INVS: variants seen among roughly 807,000 people sequenced by gnomAD.
INVS encodes inversion of embryo turning homolog.
INVS carries 86 observed loss-of-function variants against 108.8 expected under a neutral mutation model. That is an observed-to-expected ratio of 0.79 (90% confidence interval 0.66 to 0.95). The LOEUF is 0.95. Ranked by LOEUF, INVS falls within the 40% of genes least tolerant of loss-of-function variation. INVS has a pLI of 0.00. For missense variants in INVS, 1,169 were observed against 1,297.4 expected, an observed-to-expected ratio of 0.90 and a Z score of 1.52; for synonymous variants, 455 against 473.5, an observed-to-expected ratio of 0.96 and a Z score of 0.51.
At chr9:100,284,295 T>C in intron 12 of INVS, 25 bp from the exon 13 acceptor site, 1 of 1,613,056 alleles carries the variant, frequency 6.2e-7, no homozygotes, top group Non-Finnish European at 8.5e-7. Flanking sequence ...AATTTTTTCA[T>C]CTTCTTCTTT....
intron 2 of INVS, among the ~76,000 whole-genome samples, chr9:100,118,105 T>C (rs1372741301): frequency 6.6e-6 from 1 of 151,826 alleles, no homozygotes; most frequent in Non-Finnish European, 1.5e-5. Context: ...TCTTGCTATG[T>C]TGGCCATGCT....
intron 3 of INVS, among the ~76,000 whole-genome samples, chr9:100,188,161 T>A (rs1398000170): frequency 1.3e-5 from 2 of 152,188 alleles, no homozygotes; most frequent in Non-Finnish European, 2.9e-5. Flanking sequence ...AATTTGGATG[T>A]CCTTTCTTTC....
chr9:100,256,205 A>G (rs1832414399), intron 10 of INVS, among the ~76,000 whole-genome samples: 1 of 151,992 alleles, frequency 6.6e-6, no homozygotes, highest in Admixed American at 6.5e-5. Flanking sequence ...TTTGCATAGA[A>G]GTGTTTATAG....
chr9:100,117,509 C>T (rs962565439), intron 2 of INVS: 3 of 844,142 alleles, frequency 3.6e-6, no homozygotes, highest in South Asian at 2.7e-5. Context: ...GCCCGGGCCC[C>T]GTCCACGGCC....
intron 16 of INVS, chr9:100,298,436 C>A: frequency 1.6e-6 from 1 of 606,694 alleles, no homozygotes; most frequent in Non-Finnish European, 2.1e-6. Flanking sequence ...CTCAGCTGTG[C>A]GTGCTTTCCC....
At chr9:100,237,052 C>T (rs1054503491) in intron 5 of INVS, among the ~76,000 whole-genome samples, 2 of 152,192 alleles carry the variant, frequency 1.3e-5, no homozygotes, top group Non-Finnish European at 2.9e-5. Flanking sequence ...CAGAGATGCC[C>T]TGCCCAGAGA....
At chr9:100,197,205 A>G (rs952819409) in intron 3 of INVS, among the ~76,000 whole-genome samples, 3 of 152,202 alleles carry the variant, frequency 2.0e-5, no homozygotes, top group Admixed American at 6.5e-5. Flanking sequence ...AGAGTGGCTC[A>G]CATAACTCAG....
intron 3 of INVS, among the ~76,000 whole-genome samples, chr9:100,154,793 T>A (rs1180929242): frequency 4.6e-5 from 7 of 152,088 alleles, no homozygotes; most frequent in Non-Finnish European, 8.8e-5. Flanking sequence ...GAATGAAGAC[T>A]CTTACCTAAA....
chr9:100,137,957 T>A (rs1253435152), intron 3 of INVS, among the ~76,000 whole-genome samples: 1 of 152,256 alleles, frequency 6.6e-6, no homozygotes, highest in Non-Finnish European at 1.5e-5. Flanking sequence ...ATTTTTTTGC[T>A]GTTTTTTAAC....
In INVS at chr9:100,226,248, C is replaced by G. The variant is rs755654469; in HGVS notation, c.447+13C>G. ...GGATAAAAACAAGGTAATGGATACTCAAAATCAAAGACTAATAAGACCAGA... is the reference window on the plus strand; with the variant it reads ...GGATAAAAACAAGGTAATGGATACTGAAAATCAAAGACTAATAAGACCAGA... On this transcript the variant is annotated intron_variant, in intron 4 of 16. Transcript: ENST00000262457. The G allele has an allele frequency of 1.2e-6, 2 of 1,610,506 alleles. No individual in the cohort carries two copies. Among genetic ancestry groups the G allele is most frequent in the Non-Finnish European group, 8.5e-7 (1 of 1,177,670 alleles).
intron 6 of INVS, 99 bp from the exon 7 acceptor site, chr9:100,242,471 A>G: frequency 1.3e-6 from 1 of 746,728 alleles, no homozygotes; most frequent in Non-Finnish European, 2.4e-6. Flanking sequence ...TGAATGCTGT[A>G]TTATGTTAGT....
At chr9:100,176,800 T>C (rs912535855) in intron 3 of INVS, among the ~76,000 whole-genome samples, 6 of 152,106 alleles carry the variant, frequency 3.9e-5, no homozygotes, top group African/African-American at 1.4e-4. Context: ...AACCCAATTA[T>C]TAAGGTGAAG....
intron 3 of INVS, among the ~76,000 whole-genome samples, chr9:100,217,354 T>C (rs1831022871): frequency 6.6e-6 from 1 of 152,148 alleles, no homozygotes; most frequent in Non-Finnish European, 1.5e-5. Context: ...TCTCTGTCAG[T>C]ATCCTATCAT....
chr9:100,134,397 A>G (rs1828157992), intron 3 of INVS, among the ~76,000 whole-genome samples: 1 of 152,212 alleles, frequency 6.6e-6, no homozygotes, highest in Admixed American at 6.5e-5. Context: ...TTGTGCTGCT[A>G]TAAACATGTG....
chr9:100,144,454 C>T (rs1332729403), intron 3 of INVS, among the ~76,000 whole-genome samples: 11 of 151,936 alleles, frequency 7.2e-5, no homozygotes, highest in Non-Finnish European at 2.9e-5. Context: ...GGCTGTAAAG[C>T]GTCTCAGGGT....
chr9:100,264,920 TGAA>T lies in INVS; in HGVS notation c.1566_1568del (p.Glu523del). 6.2e-7 allele frequency: 1 copy of T among 1,603,630 alleles called. No individual in the cohort carries two copies. Among genetic ancestry groups the T allele is most frequent in the Non-Finnish European group, 8.5e-7 (1 of 1,170,868 alleles). The stretch of plus-strand genomic sequence containing the variant: ...CTTTCCCTAATCAGATGGAAAACAA[TGAA>T]GAGAGGTAAGTTGTTGTTGACTTTT... On this transcript the variant is annotated inframe_deletion, in exon 11 of 17. Transcript: ENST00000262457.
intron 3 of INVS, among the ~76,000 whole-genome samples, chr9:100,129,365 G>A (rs986142973): frequency 4.0e-5 from 6 of 151,814 alleles, no homozygotes; most frequent in Non-Finnish European, 8.8e-5. Context: ...GGGCATGGTC[G>A]TGAGCACGTG....
In INVS at chr9:100,272,923, T is replaced by C; in HGVS notation, c.1631T>C (p.Leu544Ser). 4.3e-6 allele frequency: 7 copies of C among 1,614,166 alleles called. No homozygotes were observed. Among genetic ancestry groups the C allele is most frequent in the Non-Finnish European group, 5.9e-6 (7 of 1,180,034 alleles). Residue 544 changes from leucine (L) to serine (S), a missense_variant, in exon 12 of 17, where the codon TTG becomes TCG. Leu to Ser is a moderately radical substitution (Grantham distance 145). Coordinates refer to ENST00000262457, the MANE Select transcript of INVS (RefSeq NM_014425.5). ...CGCCATGAAGTGATCCAGTTCATGT[T>C]GGAGCACGGTGCCCTGTCCATCGCA... ...GERHEVIQFM[L>S]EHGALSIAAI... is the part of the protein sequence containing the mutation.
chr9:100,277,721 C>T (rs1038896893), intron 12 of INVS, among the ~76,000 whole-genome samples: 1 of 152,158 alleles, frequency 6.6e-6, no homozygotes, highest in African/African-American at 2.4e-5. Context: ...AGACACACGA[C>T]ATTTTCTTAT....
Sources: gnomAD v4.1 joint callset for allele counts (sites outside exome capture counted in the v4.1 genomes callset) on GRCh38, gnomAD v4.1.1 for gene constraint, MANE v1.5 for transcripts, NCBI Gene and HGNC (gene_info 2026-07-23, HGNC 2026-07-21) for gene names.